The following SEC22A variants were observed in gnomAD, a reference collection of about 807,000 sequenced individuals.
SEC22A encodes the protein vesicle-trafficking protein SEC22a.
Under a neutral mutation model 35.3 loss-of-function variants are expected in SEC22A, and 22 were observed. The ratio of observed to expected loss-of-function variants is 0.62; its 90% CI spans 0.45 to 0.89. The LOEUF is 0.89. SEC22A is among the 40% of genes least tolerant of loss of function. The pLI is 0.00. For missense variants in SEC22A, 354 were observed against 362.5 expected (o/e 0.98, Z 0.19); for synonymous variants, 119 against 129.5 (o/e 0.92, Z 0.55).
chr3:123,213,650 G>A (rs368994772), intron 2 of SEC22A, among the ~76,000 whole-genome samples: 2 of 152,080 alleles, frequency 1.3e-5, no homozygotes, highest in African/African-American at 4.8e-5. Context: ...TAACAGGGTT[G>A]TAACTCATTG....
chr3:123,262,966 A>G (rs1187444154), intron 6 of SEC22A, among the ~76,000 whole-genome samples: 1 of 152,220 alleles, frequency 6.6e-6, no homozygotes, highest in South Asian at 2.1e-4. Flanking sequence ...ATAAAACGGT[A>G]TCACAACCAG....
chr3:123,219,970 C>T (rs1424479180), intron 2 of SEC22A, among the ~76,000 whole-genome samples: 2 of 152,266 alleles, frequency 1.3e-5, no homozygotes, highest in East Asian at 3.9e-4. Context: ...ACTAAATTTA[C>T]TATGAAAAGC....
At chr3:123,235,490 A>G (rs987598704) in intron 4 of SEC22A, among the ~76,000 whole-genome samples, 2 of 152,210 alleles carry the variant, frequency 1.3e-5, no homozygotes, top group Non-Finnish European at 2.9e-5. Context: ...ATGCCACTTC[A>G]TATGTATTAG....
chr3:123,257,995 G>GAAAA (rs61068587), intron 5 of SEC22A, among the ~76,000 whole-genome samples: 2,014 of 111,428 alleles, frequency 0.018, 65 homozygotes, highest in African/African-American at 0.054. Flanking sequence ...CCATCTCATT[G>GAAAA]AAAAAAAAAA....
At chr3:123,238,928 CAG>C (rs954872738) in intron 4 of SEC22A, among the ~76,000 whole-genome samples, 2 of 152,136 alleles carry the variant, frequency 1.3e-5, no homozygotes, top group South Asian at 2.1e-4. Flanking sequence ...TATAAATAAA[CAG>C]AATGGTATAA....
chr3:123,269,529 T>A (rs1938109635), intron 6 of SEC22A, among the ~76,000 whole-genome samples: 1 of 151,828 alleles, frequency 6.6e-6, no homozygotes, highest in African/African-American at 2.4e-5. Context: ...TTGTATAACC[T>A]CATTTCAATC....
At chr3:123,233,257 CA>C (rs1423456100) in intron 4 of SEC22A, among the ~76,000 whole-genome samples, 6 of 152,150 alleles carry the variant, frequency 3.9e-5, no homozygotes, top group Non-Finnish European at 1.5e-5. Context: ...TTTAGATACA[CA>C]AATACTATTG....
chr3:123,240,537 C>T (rs1368232663), intron 4 of SEC22A, among the ~76,000 whole-genome samples: 2 of 152,194 alleles, frequency 1.3e-5, no homozygotes, highest in Admixed American at 6.5e-5. Context: ...TATTTATTCT[C>T]TTGCTGATGG....
chr3:123,273,003 G>T lies in SEC22A; in HGVS notation c.*1281G>T, dbSNP rs6788519. On this transcript the variant is annotated 3_prime_UTR_variant, in exon 7 of 7. Coordinates refer to ENST00000492595, the MANE Select transcript of SEC22A (RefSeq NM_012430.5). ...AATTAATAATATAGGAAGCACAGTT[G>T]GATTCCACTAGCAAAATCTATAACT... 0.23 allele frequency: 35,406 copies of T among 153,638 alleles called. 4,329 individuals carry two copies. The highest frequency in any genetic ancestry group is 0.31 in the African/African-American group (12,761 of 41,482). 9.5% of individuals were successfully genotyped at this position (153,638 alleles called of 1,614,324 possible).
chr3:123,234,677 T>C (rs1937384685), intron 4 of SEC22A, among the ~76,000 whole-genome samples: 1 of 152,138 alleles, frequency 6.6e-6, no homozygotes, highest in African/African-American at 2.4e-5. Flanking sequence ...TATAAATCTT[T>C]GTATAATCTT....
intron 4 of SEC22A, among the ~76,000 whole-genome samples, chr3:123,239,053 T>G (rs1425831410): frequency 6.6e-6 from 1 of 152,224 alleles, no homozygotes; most frequent in Non-Finnish European, 1.5e-5. Flanking sequence ...TTCTATATTT[T>G]TTTCTTGTTT....
intron 6 of SEC22A, among the ~76,000 whole-genome samples, chr3:123,263,250 G>A (rs760860449): frequency 6.6e-6 from 1 of 152,168 alleles, no homozygotes; most frequent in Non-Finnish European, 1.5e-5. Context: ...TCACAGTTCT[G>A]GAATCTGGAA....
chr3:123,243,900 A>G (rs1937546281), intron 4 of SEC22A: 1 of 152,218 alleles, frequency 6.6e-6, no homozygotes, highest in Admixed American at 6.5e-5. Flanking sequence ...GTTCAAGAAG[A>G]CTAAAGAAAA....
At chr3:123,244,196 A>G (rs1937548788) in intron 4 of SEC22A, among the ~76,000 whole-genome samples, 2 of 152,210 alleles carry the variant, frequency 1.3e-5, no homozygotes, top group Admixed American at 6.5e-5. Flanking sequence ...AGAAATTATT[A>G]AGAAGTGTCA....
At chr3:123,258,927 A>G (rs1937810999) in intron 5 of SEC22A, among the ~76,000 whole-genome samples, 1 of 152,202 alleles carries the variant, frequency 6.6e-6, no homozygotes, top group Admixed American at 6.5e-5. Context: ...TTTCAGAGAC[A>G]TTCTATGCAT....
In SEC22A at chr3:123,274,048, T is replaced by C. The variant is rs1020409724; in HGVS notation, c.*2326T>C. ...TAAAGGCTTACTTTGTTTTTGTTTTTATTTTTTCACTGGCTATTTTGGATA... is the reference window on the plus strand; with the variant it reads ...TAAAGGCTTACTTTGTTTTTGTTTTCATTTTTTCACTGGCTATTTTGGATA... On this transcript the variant is annotated 3_prime_UTR_variant, in exon 7 of 7. Coordinates refer to ENST00000492595, the MANE Select transcript of SEC22A (RefSeq NM_012430.5). The C allele has an allele frequency of 1.3e-5, 2 of 152,238 alleles. No individual in the cohort carries two copies. Among genetic ancestry groups the C allele is most frequent in the Non-Finnish European group, 2.9e-5 (2 of 68,040 alleles). The allele number at this position is 152,238 out of a possible 1,614,324, so 9.4% of individuals were successfully genotyped here.
chr3:123,241,282 A>T (rs548133129), intron 4 of SEC22A, among the ~76,000 whole-genome samples: 133 of 152,280 alleles, frequency 8.7e-4, no homozygotes, highest in African/African-American at 3.1e-3. Flanking sequence ...ACAGGTGGTG[A>T]TGATAAAGAA....
At chr3:123,222,414 G>A (rs1323992844) in intron 2 of SEC22A, among the ~76,000 whole-genome samples, 3 of 151,968 alleles carry the variant, frequency 2.0e-5, no homozygotes, top group African/African-American at 7.3e-5. Flanking sequence ...GGCCAGGCTG[G>A]TCTCAAGTTC....
At chr3:123,250,646 C>T (rs1256934577) in intron 5 of SEC22A, among the ~76,000 whole-genome samples, 1 of 152,092 alleles carries the variant, frequency 6.6e-6, no homozygotes, top group African/African-American at 2.4e-5. Context: ...CATAATGGAG[C>T]CTGAAATCAG....
Sources: gnomAD v4.1 joint callset for allele counts (sites outside exome capture counted in the v4.1 genomes callset) on GRCh38, gnomAD v4.1.1 for gene constraint, MANE v1.5 for transcripts, NCBI Gene and HGNC (gene_info 2026-07-23, HGNC 2026-07-21) for gene names.